Variants in CFDP1 observed in about 807,000 individuals in gnomAD.
The protein encoded by CFDP1 is chromatin remodeling protein CFDP1, also known as heterochromatin-stabilizing protein CFDP1.
A neutral mutation model predicts 40.1 loss-of-function variants in CFDP1; 31 were observed. The observed-to-expected ratio is 0.77, with a 90% confidence interval of 0.58 to 1.04. The LOEUF (loss-of-function observed/expected upper bound fraction) is 1.04. CFDP1 is among the 50% of genes least tolerant of loss of function. The pLI is 0.00. For synonymous variants in CFDP1, 167 were observed against 120.0 expected (o/e 1.39, Z -2.56); for missense variants, 423 against 343.4 (o/e 1.23, Z -1.83).
Position 75,418,205 on chromosome 16 carries a change from A to T in CFDP1, c.65-3510T>A, listed in dbSNP as rs1290660269. On this transcript the variant is annotated intron_variant, in intron 1 of 6. Transcript: ENST00000283882. ...GGGGCGGAGGTTGCGATGAGCTGAG[A>T]TACACCACTGCACTCCAGCCTGGGC... Among the ~76,000 whole-genome samples the T allele has an allele frequency of 2.1e-5, 3 of 142,748 alleles. No individual in the cohort carries two copies. In the Admixed American group the frequency reaches 2.2e-4, roughly 10 times the overall value. The allele number at this position is 142,748 out of a possible 152,430, so 93.6% of individuals were successfully genotyped here.
At chr16:75,418,519 C>A (rs1376834728) in intron 1 of CFDP1, among the ~76,000 whole-genome samples, 1 of 151,800 alleles carries the variant, frequency 6.6e-6, no homozygotes. Context: ...CCATGTTAGC[C>A]AAGATGGTCT....
intron 5 of CFDP1, among the ~76,000 whole-genome samples, chr16:75,383,544 G>C (rs1368556402): frequency 6.6e-6 from 1 of 152,132 alleles, no homozygotes; most frequent in Non-Finnish European, 1.5e-5. Flanking sequence ...GCCCCAGCGA[G>C]GCGCTGTGGC....
chr16:75,323,531 A>C (rs907032275), intron 5 of CFDP1, among the ~76,000 whole-genome samples: 1 of 152,016 alleles, frequency 6.6e-6, no homozygotes, highest in Non-Finnish European at 1.5e-5. Context: ...CTGTAATCCC[A>C]GCACTTGTGA....
chr16:75,432,246 C>G (rs1225831379), intron 1 of CFDP1, among the ~76,000 whole-genome samples: 3 of 148,982 alleles, frequency 2.0e-5, no homozygotes, highest in Admixed American at 6.7e-5. Flanking sequence ...TTTAGAAATA[C>G]TTCACTAGCC....
chr16:75,421,367 T>G (rs1215975590), intron 1 of CFDP1, among the ~76,000 whole-genome samples: 1 of 152,144 alleles, frequency 6.6e-6, no homozygotes, highest in Non-Finnish European at 1.5e-5. Flanking sequence ...TATGGAAAAG[T>G]CCTTCATCAG....
At chr16:75,300,010 GA>G (rs1257996998) in intron 6 of CFDP1, among the ~76,000 whole-genome samples, 3 of 152,130 alleles carry the variant, frequency 2.0e-5, no homozygotes, top group African/African-American at 7.2e-5. Flanking sequence ...ACAGCTCGGG[GA>G]GGGCCTGGTT....
At chr16:75,339,188 CTA>C (rs2078509925) in intron 5 of CFDP1, among the ~76,000 whole-genome samples, 1 of 151,980 alleles carries the variant, frequency 6.6e-6, no homozygotes, top group South Asian at 2.1e-4. Flanking sequence ...GTCAGCCTTT[CTA>C]TCTCTTTGTC....
At chr16:75,389,621 A>G (rs1445330261) in intron 5 of CFDP1, among the ~76,000 whole-genome samples, 1 of 152,188 alleles carries the variant, frequency 6.6e-6, no homozygotes, top group Non-Finnish European at 1.5e-5. Flanking sequence ...ATAAACAAAT[A>G]AAGTGTTTCT....
Position 75,395,186 on chromosome 16 carries a change from G to A in CFDP1, c.554C>T (p.Thr185Ile), listed in dbSNP as rs2078986155. ...GAAGAAGGATTTGGCCTCTTTAGATGTAGCATCCACTTCCTTAGTTACCCT... is the reference window on the plus strand; with the variant it reads ...GAAGAAGGATTTGGCCTCTTTAGATATAGCATCCACTTCCTTAGTTACCCT... ...EVRVTKEVDA[T>I]SKEAKSFFKQ... is the part of the protein sequence containing the mutation. The change falls in exon 5 of 7, where the codon ACA (threonine) becomes ATA (isoleucine). Residue 185 changes from threonine to isoleucine, a missense_variant. Thr to Ile is a moderately conservative substitution (Grantham distance 89). Coordinates refer to ENST00000283882, the MANE Select transcript of CFDP1 (RefSeq NM_006324.3). The A allele has an allele frequency of 2.5e-6, 4 of 1,613,210 alleles. No homozygotes were observed. Among genetic ancestry groups the A allele is most frequent in the Admixed American group, 1.7e-5 (1 of 59,976 alleles).
intron 5 of CFDP1, chr16:75,372,439 G>A (rs1382926657): frequency 6.6e-6 from 1 of 152,190 alleles, no homozygotes; most frequent in Non-Finnish European, 1.5e-5. Context: ...AAAGGATCCA[G>A]ATCAGTGGAA....
chr16:75,364,947 T>C (rs1190601294), intron 5 of CFDP1, among the ~76,000 whole-genome samples: 4 of 152,206 alleles, frequency 2.6e-5, no homozygotes, highest in African/African-American at 7.2e-5. Context: ...TGCATCATTC[T>C]GGTGGATGTT....
At chr16:75,341,275 C>T (rs2078524927) in intron 5 of CFDP1, among the ~76,000 whole-genome samples, 1 of 152,198 alleles carries the variant, frequency 6.6e-6, no homozygotes, top group Non-Finnish European at 1.5e-5. Flanking sequence ...GCACCACATA[C>T]CACCAGCTAC....
chr16:75,421,796 C>T (rs1295627943), intron 1 of CFDP1, among the ~76,000 whole-genome samples: 1 of 152,092 alleles, frequency 6.6e-6, no homozygotes, highest in African/African-American at 2.4e-5. Context: ...TGCAAAAATC[C>T]TCGACAAAAT....
chr16:75,428,882 C>T (rs910162677), intron 1 of CFDP1, among the ~76,000 whole-genome samples: 1 of 151,246 alleles, frequency 6.6e-6, no homozygotes, highest in African/African-American at 2.4e-5. Context: ...TTTGGGAGGC[C>T]GAGGCAGGCA....
chr16:75,412,549 T>C lies in CFDP1; in HGVS notation c.388A>G (p.Ser130Gly). The C allele has an allele frequency of 3.1e-6, 5 of 1,614,008 alleles. 1 individual carries two copies. Among genetic ancestry groups the C allele is most frequent in the Non-Finnish European group, 4.2e-6 (5 of 1,179,836 alleles). Reference protein sequence around the residue: ...DVGPKSKVPPSTQVKKGEETE... With the variant: ...DVGPKSKVPPGTQVKKGEETE... ...TCTCAACTTACCTTAACTTGTGTAC[T>C]TGGGGGCACTTTTGATTTTGGTCCC... The change falls in exon 3 of 7, where the codon AGT (serine) becomes GGT (glycine). Residue 130 changes from serine to glycine, a missense_variant. Transcript: ENST00000283882.
At chr16:75,389,881 G>GT (rs1177697480) in intron 5 of CFDP1, among the ~76,000 whole-genome samples, 4 of 152,166 alleles carry the variant, frequency 2.6e-5, no homozygotes, top group African/African-American at 9.7e-5. Flanking sequence ...AAGCACAATT[G>GT]TAACTGTAAA....
intron 6 of CFDP1, among the ~76,000 whole-genome samples, chr16:75,297,106 T>A (rs553536774): frequency 6.6e-6 from 1 of 151,576 alleles, no homozygotes; most frequent in Non-Finnish European, 1.5e-5. Flanking sequence ...AAAATAGCTA[T>A]GGGAGTTGTC....
chr16:75,329,644 A>C (rs1012763382), intron 5 of CFDP1, among the ~76,000 whole-genome samples: 1 of 152,136 alleles, frequency 6.6e-6, no homozygotes, highest in African/African-American at 2.4e-5. Flanking sequence ...GTGCTGTTTT[A>C]TCTCTGCTAC....
intron 5 of CFDP1, among the ~76,000 whole-genome samples, chr16:75,391,730 T>G (rs2078952936): frequency 6.6e-6 from 1 of 152,016 alleles, no homozygotes; most frequent in African/African-American, 2.4e-5. Context: ...TGCCAGCACT[T>G]TGGGAGGCTG....
Sources: allele counts gnomAD v4.1 joint callset (sites outside exome capture counted in the v4.1 genomes callset), GRCh38; gene constraint gnomAD v4.1.1; transcripts MANE v1.5; gene names NCBI Gene and HGNC (gene_info 2026-07-23, HGNC 2026-07-21).